The following GALNTL6 variants were observed in gnomAD, a reference collection of about 807,000 sequenced individuals.
GALNTL6 encodes polypeptide N-acetylgalactosaminyltransferase-like 6.
In GALNTL6, 46 loss-of-function variants were observed where a neutral mutation model predicts 73.7. The ratio of observed to expected loss-of-function variants is 0.62; its 90% CI spans 0.49 to 0.80. GALNTL6 has a LOEUF of 0.80. Among genes scored for constraint, GALNTL6 ranks in the 30% least tolerant of loss-of-function variants. The pLI, the probability that GALNTL6 is intolerant of heterozygous loss-of-function variation, is 0.00. For missense variants in GALNTL6, 604 were observed against 755.0 expected, an observed-to-expected ratio of 0.80 and a Z score of 2.34; for synonymous variants, 259 against 263.7, an observed-to-expected ratio of 0.98 and a Z score of 0.17.
intron 5 of GALNTL6, among the ~76,000 whole-genome samples, chr4:172,469,281 C>T (rs1171540201): frequency 6.6e-6 from 1 of 152,040 alleles, no homozygotes; most frequent in African/African-American, 2.4e-5. Flanking sequence ...AGAATCGCTG[C>T]CTTAACAAAC....
chr4:172,842,053 A>G (rs1743242118), intron 7 of GALNTL6, among the ~76,000 whole-genome samples: 1 of 152,200 alleles, frequency 6.6e-6, no homozygotes, highest in African/African-American at 2.4e-5. Flanking sequence ...CCATTTCACC[A>G]ATAAGAAAAC....
At chr4:172,548,902 T>C (rs1735865372) in intron 5 of GALNTL6, among the ~76,000 whole-genome samples, 1 of 152,208 alleles carries the variant, frequency 6.6e-6, no homozygotes, top group Admixed American at 6.5e-5. Flanking sequence ...TAAAACAATA[T>C]TTTATGTTAT....
At chr4:172,789,408 A>AT (rs1445393722) in intron 5 of GALNTL6, among the ~76,000 whole-genome samples, 1 of 152,066 alleles carries the variant, frequency 6.6e-6, no homozygotes, top group Non-Finnish European at 1.5e-5. Context: ...ATATTATGAG[A>AT]TTTTTTTGCA....
At chr4:172,570,243 C>A (rs1736711099) in intron 5 of GALNTL6, among the ~76,000 whole-genome samples, 1 of 152,008 alleles carries the variant, frequency 6.6e-6, no homozygotes, top group Admixed American at 6.5e-5. Flanking sequence ...TTTTGAGAGT[C>A]CTGAGTATGT....
intron 5 of GALNTL6, among the ~76,000 whole-genome samples, chr4:172,553,786 G>A (rs1736046573): frequency 1.3e-5 from 2 of 152,064 alleles, no homozygotes; most frequent in Admixed American, 6.6e-5. Flanking sequence ...GCCGGCCACA[G>A]GGATTCATGC....
chr4:172,875,732 A>AACACAC (rs59079970), intron 7 of GALNTL6, among the ~76,000 whole-genome samples: 26,090 of 145,594 alleles, frequency 0.18, 2,296 homozygotes, highest in East Asian at 0.25. Flanking sequence ...CTCATACATA[A>AACACAC]ACACACACAC....
chr4:172,401,812 T>C (rs114424281), intron 5 of GALNTL6, among the ~76,000 whole-genome samples: 1,666 of 151,900 alleles, frequency 0.011, 31 homozygotes, highest in African/African-American at 0.036. Context: ...ACCTCAAGTT[T>C]TTATGTATTT....
chr4:172,185,066 A>C (rs1252565036), intron 2 of GALNTL6, among the ~76,000 whole-genome samples: 2 of 152,200 alleles, frequency 1.3e-5, no homozygotes, highest in African/African-American at 4.8e-5. Context: ...CATAGCAGTT[A>C]AGTCAGCAAT....
intron 5 of GALNTL6, among the ~76,000 whole-genome samples, chr4:172,421,803 T>C (rs1340413389): frequency 6.6e-6 from 1 of 152,098 alleles, no homozygotes; most frequent in Non-Finnish European, 1.5e-5. Context: ...GAGAGCTATA[T>C]TGTCTCCCAT....
chr4:171,861,352 G>T (rs768456713), intron 2 of GALNTL6, among the ~76,000 whole-genome samples: 1 of 152,114 alleles, frequency 6.6e-6, no homozygotes, highest in African/African-American at 2.4e-5. Context: ...CAGTTATTCT[G>T]TCAGTGTTGA....
At chr4:171,978,859 T>C (rs1052247387) in intron 2 of GALNTL6, among the ~76,000 whole-genome samples, 1 of 152,144 alleles carries the variant, frequency 6.6e-6, no homozygotes. Flanking sequence ...ATATTTTAGA[T>C]AGATGATAGA....
chr4:172,944,824 GAC>G (rs1409924885), intron 9 of GALNTL6, among the ~76,000 whole-genome samples: 1 of 152,160 alleles, frequency 6.6e-6, no homozygotes, highest in Non-Finnish European at 1.5e-5. Flanking sequence ...GGGAGGCTGA[GAC>G]AGGAGGATCA....
intron 2 of GALNTL6, among the ~76,000 whole-genome samples, chr4:171,879,985 T>A (rs1736394239): frequency 6.6e-6 from 1 of 152,200 alleles, no homozygotes; most frequent in Non-Finnish European, 1.5e-5. Context: ...AAACAACCAT[T>A]ATTGAGGCCT....
intron 2 of GALNTL6, among the ~76,000 whole-genome samples, chr4:171,951,803 A>G (rs374375401): frequency 3.3e-5 from 5 of 152,054 alleles, no homozygotes; most frequent in Admixed American, 6.6e-5. Flanking sequence ...ATACACTTCT[A>G]CTAATAGTAT....
chr4:172,905,129 T>A lies in GALNTL6; in HGVS notation c.1041+22222T>A, dbSNP rs566926783. 8.5e-5 allele frequency among the ~76,000 whole-genome samples: 13 copies of A among 152,284 alleles called. No individual in the cohort carries two copies. In the East Asian group the frequency reaches 2.5e-3, roughly 29 times the overall value. On this transcript the variant is annotated intron_variant, in intron 8 of 12. Coordinates refer to ENST00000506823, the MANE Select transcript of GALNTL6 (RefSeq NM_001034845.3). ...TTAAATGTCATCAAATTTAATTTCT[T>A]ATCCCATTCAACACTAGTGCAAAAT...
chr4:172,770,288 T>TAAATAAAA (rs1484912952), intron 5 of GALNTL6, among the ~76,000 whole-genome samples: 1 of 150,688 alleles, frequency 6.6e-6, no homozygotes, highest in Non-Finnish European at 1.5e-5. Flanking sequence ...AATAAATAAA[T>TAAATAAAA]AAATAAATAA....
chr4:172,080,792 A>G (rs1170860027), intron 2 of GALNTL6, among the ~76,000 whole-genome samples: 1 of 151,676 alleles, frequency 6.6e-6, no homozygotes, highest in African/African-American at 2.4e-5. Flanking sequence ...GAAATATTCC[A>G]ATAAAATATA....
intron 10 of GALNTL6, among the ~76,000 whole-genome samples, chr4:172,963,136 C>T (rs1321241850): frequency 6.6e-6 from 1 of 152,138 alleles, no homozygotes; most frequent in East Asian, 1.9e-4. Flanking sequence ...TCCTCGTCAC[C>T]AGTCTTCACA....
intron 5 of GALNTL6, among the ~76,000 whole-genome samples, chr4:172,571,412 C>T (rs1312902542): frequency 6.6e-6 from 1 of 152,124 alleles, no homozygotes; most frequent in Non-Finnish European, 1.5e-5. Context: ...AAATATAGAA[C>T]AGCTATCTCT....
Sources: allele counts gnomAD v4.1 joint callset (sites outside exome capture counted in the v4.1 genomes callset), GRCh38; gene constraint gnomAD v4.1.1; transcripts MANE v1.5; gene names NCBI Gene and HGNC (gene_info 2026-07-23, HGNC 2026-07-21).